GOPC: variants seen among roughly 807,000 people sequenced by gnomAD.
GOPC encodes Golgi-associated PDZ and coiled-coil motif-containing protein.
A neutral mutation model predicts 51.2 loss-of-function variants in GOPC; 32 were observed. The ratio of observed to expected loss-of-function variants is 0.63; its 90% CI spans 0.47 to 0.84. The LOEUF (loss-of-function observed/expected upper bound fraction) is 0.84, where lower values mean the gene tolerates loss of function less well. GOPC is among the 40% of genes least tolerant of loss of function. The probability of loss-of-function intolerance (pLI) is 0.00; values close to 1 mark genes in which losing one functional copy is unlikely to be tolerated. For missense variants in GOPC, 441 were observed against 555.5 expected, an observed-to-expected ratio of 0.79 and a Z score of 2.07; for synonymous variants, 190 against 205.1, an observed-to-expected ratio of 0.93 and a Z score of 0.63.
intron 1 of GOPC, among the ~76,000 whole-genome samples, chr6:117,594,086 G>A (rs954161797): frequency 3.9e-5 from 6 of 152,098 alleles, no homozygotes; most frequent in African/African-American, 1.4e-4. Flanking sequence ...GACTTCCCAC[G>A]ATTATGATAA....
At chr6:117,573,355 C>G in intron 5 of GOPC, 112 bp downstream of exon 5, 1 of 1,246,504 alleles carries the variant, frequency 8.0e-7, no homozygotes. Flanking sequence ...CCCATTTTCA[C>G]TTTTAAATAA....
chr6:117,577,467 C>T lies in GOPC; in HGVS notation c.455G>A (p.Gly152Asp). ...ACTTACCAGCTCCTCCACAGAGGGG[C>T]CAGACTTCAGATATAAGAAAAAAGT... The part of the protein sequence containing the change: ...DSGTIKAKLS[G>D]PSVEELEREL... Residue 152 changes from glycine (G) to aspartate (D), a missense_variant, in exon 3 of 9, where the codon GGC becomes GAC. Gly to Asp is a moderately conservative substitution (Grantham distance 94). This residue lies in a region of GOPC where 204 missense variants were observed against 219.8 expected (regional missense o/e 0.93). Transcript: ENST00000368498. 1 of 1,603,598 alleles carries T rather than the reference C, an allele frequency of 6.2e-7. No homozygotes were observed. The highest frequency in any genetic ancestry group is 8.5e-7 in the Non-Finnish European group (1 of 1,174,914).
rs769464785 is a variant in GOPC at position 117,575,246 on chromosome 6, G to C, written c.581C>G (p.Ala194Gly). The change falls in exon 4 of 9, where the codon GCT becomes GGT. Residue 194 changes from alanine (A) to glycine (G), a missense_variant. By Grantham distance (60) the Ala-to-Gly change is moderately conservative. Transcript: ENST00000368498. ...CCCATATACTTCAGCCTGGAGAACA[G>C]CTATATGTCTACGAAGGGCTTCATT... ...KENEALRRHIAVLQAEVYGAR... is the reference protein window; with the variant it reads ...KENEALRRHIGVLQAEVYGAR... 12 of 1,613,560 alleles carry C rather than the reference G, an allele frequency of 7.4e-6. No individual in the cohort carries two copies. The highest frequency in any genetic ancestry group is 9.3e-6 in the Non-Finnish European group (11 of 1,179,668).
At chr6:117,566,053 G>A (rs1283551134) in intron 8 of GOPC, among the ~76,000 whole-genome samples, 1 of 152,036 alleles carries the variant, frequency 6.6e-6, no homozygotes, top group Non-Finnish European at 1.5e-5. Flanking sequence ...AGCAAAATTG[G>A]TATCTTCTTC....
At chr6:117,587,499 TAATA>T (rs1317435140) in intron 1 of GOPC, among the ~76,000 whole-genome samples, 35 of 151,228 alleles carry the variant, frequency 2.3e-4, no homozygotes, top group Non-Finnish European at 3.7e-4. Context: ...CCCCAAACAG[TAATA>T]AATAAATAAA....
Position 117,569,747 on chromosome 6 carries a change from C to G in GOPC, c.913-11G>C. Reference sequence around the variant, plus strand: ...ATGTTCTTTCCCACCCTAACAACAACAAAGGGCAGTAAATTAAAGTACTCT... The same window carrying G: ...ATGTTCTTTCCCACCCTAACAACAAGAAAGGGCAGTAAATTAAAGTACTCT... On this transcript the variant is annotated splice_polypyrimidine_tract_variant and intron_variant, in intron 6 of 8. Transcript: ENST00000368498. 3 of 1,568,246 alleles carry G rather than the reference C, an allele frequency of 1.9e-6. No homozygotes were observed. Among genetic ancestry groups the G allele is most frequent in the Non-Finnish European group, 1.7e-6 (2 of 1,162,496 alleles).
chr6:117,579,195 C>A, intron 1 of GOPC, 131 bp from the exon 2 acceptor site: 1 of 689,590 alleles, frequency 1.5e-6, no homozygotes, highest in Non-Finnish European at 2.3e-6. Context: ...ATAATATTAT[C>A]CAAGATACAA....
At chr6:117,579,243 G>A (rs1006697340) in intron 1 of GOPC, among the ~76,000 whole-genome samples, 179 bp from the exon 2 acceptor site, 1 of 152,060 alleles carries the variant, frequency 6.6e-6, no homozygotes, top group African/African-American at 2.4e-5. Flanking sequence ...AATAGTATAA[G>A]TCAGATATTT....
intron 1 of GOPC, among the ~76,000 whole-genome samples, chr6:117,584,088 T>C (rs1294305023): frequency 1.3e-5 from 2 of 152,230 alleles, no homozygotes; most frequent in South Asian, 2.1e-4. Context: ...TTCCCAGGAA[T>C]AGATTTATCA....
chr6:117,567,499 A>T lies in GOPC; in HGVS notation c.1078-465T>A, dbSNP rs115460895. 7.9e-3 allele frequency among the ~76,000 whole-genome samples: 1,210 copies of T among 152,286 alleles called. 13 individuals carry two copies. The highest frequency in any genetic ancestry group is 0.027 in the African/African-American group (1,103 of 41,552). On this transcript the variant is annotated intron_variant, in intron 7 of 8. Transcript: ENST00000368498. ...ATGATTTTTGTACACTGCCATAAGGACATCATATAAATCTTTTCTTAACTA... is the reference window on the plus strand; with the variant it reads ...ATGATTTTTGTACACTGCCATAAGGTCATCATATAAATCTTTTCTTAACTA...
At chr6:117,585,704 T>G (rs893764691) in intron 1 of GOPC, among the ~76,000 whole-genome samples, 8 of 152,134 alleles carry the variant, frequency 5.3e-5, no homozygotes, top group African/African-American at 1.9e-4. Flanking sequence ...ATATCAGAAC[T>G]AGACAAAGCT....
At chr6:117,601,753 T>C (rs1184750018) in intron 1 of GOPC, among the ~76,000 whole-genome samples, 1 of 152,240 alleles carries the variant, frequency 6.6e-6, no homozygotes, top group East Asian at 1.9e-4. Flanking sequence ...TGGAGGCTGG[T>C]GTATGTAATT....
At chr6:117,570,235 A>T (rs77542889) in intron 6 of GOPC, among the ~76,000 whole-genome samples, 7 of 95,038 alleles carry the variant, frequency 7.4e-5, no homozygotes, top group African/African-American at 2.2e-4. Flanking sequence ...GGCAGCACAT[A>T]AAAAAAAAAA....
Position 117,602,281 on chromosome 6 carries a change from G to A in GOPC, c.8C>T (p.Ala3Val), listed in dbSNP as rs373802551. ...GGCTGCTGCTGGGCATGGACCGCCC[G>A]CCGACATGGCGCCGTCAAGGGCCTC... MS[A>V]GGPCPAAAGG... The change falls in exon 1 of 9, where the codon GCG becomes GTG. Residue 3 changes from alanine to valine, a missense_variant. By Grantham distance (64) the Ala-to-Val change is moderately conservative. Around this residue, in one of 3 missense-constraint regions of GOPC, gnomAD observed 204 missense variants for 219.8 expected, o/e 0.93. Coordinates refer to ENST00000368498, the MANE Select transcript of GOPC (RefSeq NM_020399.4). The A allele has an allele frequency of 1.9e-6, 3 of 1,589,236 alleles. No homozygotes were observed. The East Asian group carries it at 6.8e-5, about 36-fold the overall frequency.
Position 117,570,943 on chromosome 6 carries a change from G to C in GOPC, c.829C>G (p.Leu277Val). The C allele has an allele frequency of 6.3e-7, 1 of 1,588,494 alleles. No individual in the cohort carries two copies. The highest frequency in any genetic ancestry group is 8.6e-7 in the Non-Finnish European group (1 of 1,161,088). ...QAPPGHDQDSLKKSQGVGPIR... is the reference protein window; with the variant it reads ...QAPPGHDQDSVKKSQGVGPIR... The stretch of plus-strand genomic sequence containing the variant: ...GGACCAACACCTTGGCTTTTCTTTA[G>C]GGAATCTTGATCCTTATTGGGAGGA... The change falls in exon 6 of 9, where the codon CTA becomes GTA. Residue 277 changes from leucine (L) to valine (V), a missense_variant. Around this residue, in one of 3 missense-constraint regions of GOPC, gnomAD observed 166 missense variants for 267.0 expected, o/e 0.62. Coordinates refer to ENST00000368498, the MANE Select transcript of GOPC (RefSeq NM_020399.4).
At position 117,570,292 on chromosome 6, in the gene GOPC, G is replaced by C. The variant is rs537520358; in HGVS notation, c.913-556C>G. Among the ~76,000 whole-genome samples the C allele has an allele frequency of 4.0e-5, 6 of 150,430 alleles. No homozygotes were observed. In the East Asian group the frequency reaches 1.2e-3, roughly 29 times the overall value. ...AGATTAGATGAGCTTTTTATTATAA[G>C]AAACATTTCTACATTAAGCAATACT... On this transcript the variant is annotated intron_variant, in intron 6 of 8. Coordinates refer to ENST00000368498, the MANE Select transcript of GOPC (RefSeq NM_020399.4).
At chr6:117,573,010 C>T (rs1779829853) in intron 5 of GOPC, among the ~76,000 whole-genome samples, 1 of 152,150 alleles carries the variant, frequency 6.6e-6, no homozygotes. Context: ...GGCTACAGAT[C>T]TCAAATTCTA....
intron 4 of GOPC, among the ~76,000 whole-genome samples, chr6:117,574,816 C>T (rs1779854828): frequency 6.6e-6 from 1 of 152,200 alleles, no homozygotes. Flanking sequence ...TGCGGTGGCT[C>T]ACACCTGTAA....
At chr6:117,589,722 A>T (rs1036693450) in intron 1 of GOPC, among the ~76,000 whole-genome samples, 3 of 152,234 alleles carry the variant, frequency 2.0e-5, no homozygotes, top group Non-Finnish European at 4.4e-5. Context: ...AAATCTGACA[A>T]GTAATTTGCC....
Sources: gnomAD v4.1 joint callset for allele counts (sites outside exome capture counted in the v4.1 genomes callset) on GRCh38, gnomAD v4.1.1 for gene constraint, gnomAD v4.1.1 regional missense constraint, MANE v1.5 for transcripts, NCBI Gene and HGNC (gene_info 2026-07-23, HGNC 2026-07-21) for gene names.